AAMDC: variants seen among roughly 807,000 people sequenced by gnomAD.
The protein encoded by AAMDC is adipogenesis associated Mth938 domain containing.
In AAMDC, 16 loss-of-function variants were observed where a neutral mutation model predicts 15.5. That is an observed-to-expected ratio of 1.03 (90% CI 0.70 to 1.57). The LOEUF (loss-of-function observed/expected upper bound fraction) is 1.57. Among genes scored for constraint, AAMDC ranks in the 40% most tolerant of loss-of-function variants. The pLI is 0.00. For synonymous variants in AAMDC, 51 were observed against 51.6 expected (o/e 0.99, Z 0.05); for missense variants, 141 against 144.9 (o/e 0.97, Z 0.14).
intron 1 of AAMDC, among the ~76,000 whole-genome samples, chr11:77,840,769 G>A (rs1046930647): frequency 1.3e-5 from 2 of 152,030 alleles, no homozygotes. Flanking sequence ...TGCATGCCTT[G>A]TAATTTTTTG....
intron 1 of AAMDC, among the ~76,000 whole-genome samples, chr11:77,835,234 C>T (rs1040938618): frequency 2.0e-5 from 3 of 152,040 alleles, no homozygotes; most frequent in Non-Finnish European, 4.4e-5. Context: ...AGACATATAC[C>T]CTTTGCCCCG....
chr11:77,827,157 C>A (rs1051640628), intron 1 of AAMDC, among the ~76,000 whole-genome samples: 2 of 151,958 alleles, frequency 1.3e-5, no homozygotes, highest in African/African-American at 4.8e-5. Flanking sequence ...GCCCCGCCCC[C>A]CTCAGAAAAG....
intron 5 of AAMDC, among the ~76,000 whole-genome samples, chr11:77,888,671 C>T (rs1363041441): frequency 3.3e-5 from 5 of 152,082 alleles, no homozygotes; most frequent in African/African-American, 1.2e-4. Flanking sequence ...TCGTAACCTA[C>T]TCATCTGACA....
chr11:77,877,946 A>G (rs1951644396), intron 5 of AAMDC, among the ~76,000 whole-genome samples: 1 of 152,128 alleles, frequency 6.6e-6, no homozygotes, highest in Non-Finnish European at 1.5e-5. Context: ...GCAGTAAATT[A>G]CTTTATTTCT....
intron 1 of AAMDC, among the ~76,000 whole-genome samples, chr11:77,830,291 C>G (rs1001854918): frequency 6.6e-6 from 1 of 152,166 alleles, no homozygotes; most frequent in African/African-American, 2.4e-5. Context: ...TATGATCAAA[C>G]AGCAAACTGT....
chr11:77,824,451 A>C (rs1261273284), intron 1 of AAMDC, among the ~76,000 whole-genome samples: 1 of 152,238 alleles, frequency 6.6e-6, no homozygotes, highest in Non-Finnish European at 1.5e-5. Flanking sequence ...TTGCTCAATT[A>C]GAATTAACGG....
At chr11:77,861,131 T>C (rs1180210570) in intron 2 of AAMDC, among the ~76,000 whole-genome samples, 1 of 152,160 alleles carries the variant, frequency 6.6e-6, no homozygotes, top group Non-Finnish European at 1.5e-5. Context: ...TGTCCTTCTG[T>C]TGCCCAGACT....
At chr11:77,889,453 G>A (rs111283739) in intron 5 of AAMDC, among the ~76,000 whole-genome samples, 1,529 of 151,992 alleles carry the variant, frequency 0.01, 31 homozygotes, top group African/African-American at 0.033. Context: ...GCTAGATGAC[G>A]AGTTAATGGG....
intron 5 of AAMDC, among the ~76,000 whole-genome samples, chr11:77,890,596 C>G (rs1288694860): frequency 6.6e-6 from 1 of 152,068 alleles, no homozygotes; most frequent in Admixed American, 6.6e-5. Flanking sequence ...GTCTACTCAC[C>G]AAACCCTGTT....
chr11:77,866,713 G>C (rs1951127367), intron 2 of AAMDC: 1 of 151,470 alleles, frequency 6.6e-6, no homozygotes, highest in African/African-American at 2.4e-5. Context: ...CTGGGTGAGA[G>C]AGTGAGACTC....
intron 2 of AAMDC, among the ~76,000 whole-genome samples, chr11:77,854,970 C>T (rs1950552155): frequency 6.6e-6 from 1 of 152,230 alleles, no homozygotes; most frequent in African/African-American, 2.4e-5. Flanking sequence ...ACTCTGTGCA[C>T]CCACTGGCTT....
At chr11:77,885,168 C>A (rs1951950934) in intron 5 of AAMDC, among the ~76,000 whole-genome samples, 1 of 152,056 alleles carries the variant, frequency 6.6e-6, no homozygotes, top group Non-Finnish European at 1.5e-5. Context: ...ACCTCCGCCT[C>A]CCGGGTTAAA....
chr11:77,897,896 A>C (rs1952601113), intron 5 of AAMDC, among the ~76,000 whole-genome samples: 1 of 150,064 alleles, frequency 6.7e-6, no homozygotes, highest in Admixed American at 6.6e-5. Flanking sequence ...GCAGCCTTGA[A>C]CTCCTGGGCT....
intron 2 of AAMDC, among the ~76,000 whole-genome samples, chr11:77,866,083 A>G (rs757468014): frequency 3.3e-5 from 5 of 152,260 alleles, no homozygotes; most frequent in Non-Finnish European, 7.3e-5. Flanking sequence ...TAGCATTGCT[A>G]CTACCCATTT....
chr11:77,903,162 G>C (rs546614515), downstream of AAMDC, among the ~76,000 whole-genome samples: 2 of 152,358 alleles, frequency 1.3e-5, no homozygotes, highest in East Asian at 3.9e-4. Flanking sequence ...CCTGGGACTA[G>C]GACCCAGGTC....
At chr11:77,823,842 T>C (rs901133573) in intron 1 of AAMDC, among the ~76,000 whole-genome samples, 2 of 152,098 alleles carry the variant, frequency 1.3e-5, no homozygotes, top group Admixed American at 6.5e-5. Flanking sequence ...ACCTTGCCTG[T>C]ACTTTCTATC....
intron 1 of AAMDC, among the ~76,000 whole-genome samples, chr11:77,834,444 T>TG (rs1949589314): frequency 6.8e-6 from 1 of 146,034 alleles, no homozygotes; most frequent in African/African-American, 2.5e-5. Context: ...TGATTTTGTT[T>TG]TTTTTTTTTT....
intron 5 of AAMDC, among the ~76,000 whole-genome samples, chr11:77,896,478 C>T (rs1952523705): frequency 6.6e-6 from 1 of 151,946 alleles, no homozygotes; most frequent in Admixed American, 6.6e-5. Flanking sequence ...CATGGAGAAA[C>T]CCTGTCTCTA....
intron 1 of AAMDC, among the ~76,000 whole-genome samples, chr11:77,823,621 C>CAAAAAAA (rs397970373): frequency 3.1e-5 from 3 of 97,626 alleles, no homozygotes; most frequent in Non-Finnish European, 5.9e-5. Context: ...CACCCTGTCT[C>CAAAAAAA]AAAAAAAAAA....
Sources: allele counts gnomAD v4.1 joint callset (sites outside exome capture counted in the v4.1 genomes callset), GRCh38; gene constraint gnomAD v4.1.1; transcripts MANE v1.5; gene names NCBI Gene and HGNC (gene_info 2026-07-23, HGNC 2026-07-21).